The following BLTP2 variants were observed in gnomAD, a reference collection of about 807,000 sequenced individuals.
BLTP2 encodes the protein bridge-like lipid transfer protein family member 2, also known as U937-associated antigen.
chr17:28,639,888 C>A, the BLTP2 span: 1 of 1,614,048 alleles, frequency 6.2e-7, no homozygotes, highest in South Asian at 1.1e-5. Context: ...TACCAGTACC[C>A]CGACCCATGA....
chr17:28,637,881 A>G, the BLTP2 span: 1 of 1,614,182 alleles, frequency 6.2e-7, no homozygotes, highest in Middle Eastern at 1.6e-4. Context: ...TCGACCTTCA[A>G]GTCCACCTTC....
the BLTP2 span, chr17:28,644,024 C>T: frequency 3.6e-5 from 58 of 1,610,548 alleles, no homozygotes; most frequent in African/African-American, 3.6e-4. Flanking sequence ...TTGGATCAAC[C>T]CTACACACAT....
chr17:28,625,410 A>T, the BLTP2 span, among the ~76,000 whole-genome samples: 2 of 150,176 alleles, frequency 1.3e-5, no homozygotes, highest in East Asian at 4.0e-4. Flanking sequence ...ACATAAAAAT[A>T]TTCTCTTACC....
chr17:28,621,066 G>C, the BLTP2 span: 1 of 1,614,110 alleles, frequency 6.2e-7, no homozygotes, highest in Non-Finnish European at 8.5e-7. Flanking sequence ...GCTAGTTCAG[G>C]ATCAATGTCA....
At chr17:28,615,217 A>G in the BLTP2 span, 1 of 1,613,670 alleles carries the variant, frequency 6.2e-7, no homozygotes. Context: ...AGCCTGTTGC[A>G]GACTTCAGCC....
chr17:28,639,392 T>C, the BLTP2 span: 2 of 1,613,974 alleles, frequency 1.2e-6, no homozygotes, highest in Non-Finnish European at 1.7e-6. Context: ...AGTGAGAGAA[T>C]TCCTGGTGCC....
the BLTP2 span, chr17:28,619,558 GCA>G: frequency 6.8e-7 from 1 of 1,460,134 alleles, no homozygotes; most frequent in South Asian, 1.2e-5. Context: ...CTTTGATAAT[GCA>G]CACTAGACCT....
At chr17:28,640,624 G>A in the BLTP2 span, 1 of 1,613,976 alleles carries the variant, frequency 6.2e-7, no homozygotes, top group Non-Finnish European at 8.5e-7. Flanking sequence ...ACCTGGTCTG[G>A]CAGCTGCTGG....
At chr17:28,619,054 A>T in the BLTP2 span, 1 of 1,120,846 alleles carries the variant, frequency 8.9e-7, no homozygotes, top group Non-Finnish European at 1.3e-6. Flanking sequence ...AGAATGATGC[A>T]GGAGGTAAAC....
At chr17:28,641,071 T>A in the BLTP2 span, among the ~76,000 whole-genome samples, 10 of 152,214 alleles carry the variant, frequency 6.6e-5, no homozygotes, top group African/African-American at 2.4e-4. Flanking sequence ...TCCTTTGGTA[T>A]CCTTGGAGCT....
the BLTP2 span, chr17:28,637,199 G>A: frequency 6.3e-7 from 1 of 1,593,346 alleles, no homozygotes; most frequent in African/African-American, 1.3e-5. Context: ...GTCAGCCTTG[G>A]TTCCCGGCTC....
chr17:28,633,448 T>C, the BLTP2 span: 1 of 1,581,292 alleles, frequency 6.3e-7, no homozygotes, highest in East Asian at 2.2e-5. Flanking sequence ...AAGAAAACCA[T>C]CCTCATCTCC....
At chr17:28,631,505 G>A in the BLTP2 span, 18 of 1,614,112 alleles carry the variant, frequency 1.1e-5, no homozygotes, top group East Asian at 4.5e-5. Flanking sequence ...TTGCTATGCC[G>A]TTGGTAGGTG....
chr17:28,633,728 C>T, the BLTP2 span: 1 of 1,613,952 alleles, frequency 6.2e-7, no homozygotes, highest in Admixed American at 1.7e-5. Flanking sequence ...GGGCCCCACA[C>T]CACTGTGTAC....
the BLTP2 span, chr17:28,635,532 A>C: frequency 6.2e-7 from 1 of 1,614,124 alleles, no homozygotes; most frequent in Non-Finnish European, 8.5e-7. Flanking sequence ...GGCACTGTAG[A>C]GTGGCCAGGA....
chr17:28,641,189 G>C, the BLTP2 span, among the ~76,000 whole-genome samples: 4 of 152,204 alleles, frequency 2.6e-5, no homozygotes, highest in Non-Finnish European at 5.9e-5. Context: ...ATATTGGTGA[G>C]TTTCATATCC....
At chr17:28,632,174 T>C in the BLTP2 span, 2 of 1,614,130 alleles carry the variant, frequency 1.2e-6, no homozygotes, top group Non-Finnish European at 1.7e-6. Context: ...CTTGTCCAAG[T>C]TGCCCAGAAG....
the BLTP2 span, chr17:28,639,619 G>A: frequency 3.1e-6 from 5 of 1,614,118 alleles, no homozygotes; most frequent in Non-Finnish European, 4.2e-6. Flanking sequence ...ATGCGTTGGC[G>A]ACTCTGGGAC....
the BLTP2 span, chr17:28,620,058 C>T: frequency 1.3e-6 from 2 of 1,561,758 alleles, no homozygotes; most frequent in East Asian, 2.3e-5. Flanking sequence ...TTTAAGTAGA[C>T]AAGTCTTGTA....
Sources: gnomAD v4.1 joint callset for allele counts (sites outside exome capture counted in the v4.1 genomes callset) on GRCh38, gnomAD v4.1.1 for gene constraint, MANE v1.5 for transcripts, NCBI Gene and HGNC (gene_info 2026-07-23, HGNC 2026-07-21) for gene names.